The following F10 variants were observed in gnomAD, a reference collection of about 807,000 sequenced individuals.
The protein encoded by F10 is coagulation factor X.
Under a neutral mutation model 37.1 loss-of-function variants are expected in F10, and 29 were observed. That is an observed-to-expected ratio of 0.78 (90% confidence interval 0.58 to 1.07). The LOEUF is 1.07. F10 is among the 50% of genes least tolerant of loss of function. The pLI, the probability that F10 is intolerant of heterozygous loss-of-function variation, is 0.00. For synonymous variants in F10, 262 were observed against 268.6 expected, an observed-to-expected ratio of 0.98 and a Z score of 0.24; for missense variants, 539 against 667.9, an observed-to-expected ratio of 0.81 and a Z score of 2.13.
chr13:113,139,289 C>T lies in F10; in HGVS notation c.257-68C>T. ...CTGAACGGCAGGGCCAAGGTTAGCA[C>T]AGCAAAACTGTTTCCATGATGCCGG... is the stretch of plus-strand genomic sequence containing the variant. On this transcript the variant is annotated intron_variant, in intron 3 of 7. Transcript: ENST00000375559. The surrounding 1 kb of genome is among the most constrained non-coding windows in gnomAD (Gnocchi z 5.2). The T allele has an allele frequency of 7.4e-7, 1 of 1,354,480 alleles. No individual in the cohort carries two copies. The highest frequency in any genetic ancestry group is 1.1e-6 in the Non-Finnish European group (1 of 951,356). The allele number at this position is 1,354,480 out of a possible 1,614,324, so 83.9% of individuals were successfully genotyped here.
intron 6 of F10, among the ~76,000 whole-genome samples, chr13:113,145,489 TGTAA>T (rs1475596705): frequency 3.3e-5 from 5 of 150,136 alleles, no homozygotes; most frequent in African/African-American, 1.3e-4. Flanking sequence ...ATACTTTCAG[TGTAA>T]GTATGTTCCA....
At position 113,149,341 on chromosome 13, in the gene F10, T is replaced by C. The variant is rs199554547; in HGVS notation, c.1291T>C (p.Tyr431His). ...GCACGTCACCCGCTTCAAGGACACCTACTTCGTGACAGGCATCGTCAGCTG... is the reference window on the plus strand; with the variant it reads ...GCACGTCACCCGCTTCAAGGACACCCACTTCGTGACAGGCATCGTCAGCTG... ...GPHVTRFKDT[Y>H]FVTGIVSWGE... Residue 431 changes from tyrosine (Y) to histidine (H), a missense_variant, in exon 8 of 8, where the codon TAC (tyrosine) becomes CAC (histidine). Around this residue, in one of 2 missense-constraint regions of F10, gnomAD observed 409 missense variants for 547.9 expected, o/e 0.75. Coordinates refer to ENST00000375559, the MANE Select transcript of F10 (RefSeq NM_000504.4). This position sits in a 1 kb window ranked among gnomAD's most constrained non-coding sequence, Gnocchi z 7.5. 1 of 1,613,324 alleles carries C rather than the reference T, an allele frequency of 6.2e-7. No homozygotes were observed. Among genetic ancestry groups the C allele is most frequent in the Non-Finnish European group, 8.5e-7 (1 of 1,179,994 alleles).
rs892922544 is a variant in F10 at position 113,138,366 on chromosome 13, A to C, written c.232-91A>C. 7.5e-5 allele frequency: 51 copies of C among 678,338 alleles called. 1 individual carries two copies. Among genetic ancestry groups the C allele is most frequent in the Non-Finnish European group, 7.9e-6 (3 of 378,390 alleles). 42.0% of individuals were successfully genotyped at this position (678,338 alleles called of 1,614,324 possible). On this transcript the variant is annotated intron_variant, in intron 2 of 7. Transcript: ENST00000375559. ...TGACTTCCATTGGGGAAAATATCCTATTCAGCTTGAGTCACTTAATTATGG... is the reference window on the plus strand; with the variant it reads ...TGACTTCCATTGGGGAAAATATCCTCTTCAGCTTGAGTCACTTAATTATGG...
chr13:113,141,602 G>A lies in F10; in HGVS notation c.502+552G>A, dbSNP rs2036528283. On this transcript the variant is annotated intron_variant, in intron 5 of 7. Coordinates refer to ENST00000375559, the MANE Select transcript of F10 (RefSeq NM_000504.4). This position sits in a 1 kb window ranked among gnomAD's most constrained non-coding sequence, Gnocchi z 5.4. ...GGACAACAGGCGGCCAGAGGGCAGTGAGCACAGGACAGGCAGGGGACTGGG... is the reference window on the plus strand; with the variant it reads ...GGACAACAGGCGGCCAGAGGGCAGTAAGCACAGGACAGGCAGGGGACTGGG... 1.3e-5 allele frequency among the ~76,000 whole-genome samples: 2 copies of A among 152,224 alleles called. No individual in the cohort carries two copies. Among genetic ancestry groups the A allele is most frequent in the South Asian group, 4.1e-4 (2 of 4,834 alleles).
At chr13:113,135,078 T>TA (rs1226172549) in intron 2 of F10, among the ~76,000 whole-genome samples, 7 of 151,590 alleles carry the variant, frequency 4.6e-5, no homozygotes, top group Non-Finnish European at 7.4e-5. Context: ...CCGTCTCTAC[T>TA]AAAAAAATAC....
chr13:113,125,820 C>T (rs897202996), intron 1 of F10, among the ~76,000 whole-genome samples: 2 of 152,248 alleles, frequency 1.3e-5, no homozygotes, highest in Non-Finnish European at 2.9e-5. Flanking sequence ...TGACCAAACA[C>T]GTCAAGTCTT....
chr13:113,141,480 G>T lies in F10; in HGVS notation c.502+430G>T, dbSNP rs747900470. ...GCCCGAGGAACTGGAGCTAAGGTGCGGGGCTGGGATAGGAGTCAGGGGACG... is the reference window on the plus strand; with the variant it reads ...GCCCGAGGAACTGGAGCTAAGGTGCTGGGCTGGGATAGGAGTCAGGGGACG... On this transcript the variant is annotated intron_variant, in intron 5 of 7. Coordinates refer to ENST00000375559, the MANE Select transcript of F10 (RefSeq NM_000504.4). The surrounding 1 kb of genome is among the most constrained non-coding windows in gnomAD (Gnocchi z 5.4). Among the ~76,000 whole-genome samples the T allele has an allele frequency of 6.6e-6, 1 of 152,168 alleles. No individual in the cohort carries two copies. Among genetic ancestry groups the T allele is most frequent in the Non-Finnish European group, 1.5e-5 (1 of 68,026 alleles).
chr13:113,140,776 AC>A (rs2138543367), intron 4 of F10, 142 bp from the exon 5 acceptor site: 1 of 1,241,232 alleles, frequency 8.1e-7, no homozygotes, highest in Non-Finnish European at 1.2e-6. Context: ...AGGCAAGTGT[AC>A]CTGTCGCCTG....
At chr13:113,129,874 T>G (rs2036413089) in intron 2 of F10, 1 of 531,052 alleles carries the variant, frequency 1.9e-6, no homozygotes, top group African/African-American at 1.9e-5. Flanking sequence ...TCACAGGGCT[T>G]CTGCCAGAGT....
In F10 at chr13:113,139,237, G is replaced by A; in HGVS notation, c.257-120G>A. 1 of 774,566 alleles carries A rather than the reference G, an allele frequency of 1.3e-6. No homozygotes were observed. The highest frequency in any genetic ancestry group is 2.2e-6 in the Non-Finnish European group (1 of 453,094). 48.0% of individuals were successfully genotyped at this position (774,566 alleles called of 1,614,324 possible). A position where few individuals can be genotyped will look rare whatever the true frequency, so the allele number is the denominator to read the frequency against. ...GTCCAAAGAGGGGGAGTTGTTTACA[G>A]AGAAACCGGAAGACTCTTCCAGTTA... On this transcript the variant is annotated intron_variant, in intron 3 of 7. Transcript: ENST00000375559. The surrounding 1 kb of genome is among the most constrained non-coding windows in gnomAD (Gnocchi z 5.2).
In F10 at chr13:113,143,924, G is replaced by C. The variant is rs2036556325; in HGVS notation, c.576G>C (p.Gly192=). The C allele has an allele frequency of 6.2e-7, 1 of 1,613,348 alleles. No homozygotes were observed. The highest frequency in any genetic ancestry group is 1.1e-5 in the South Asian group (1 of 91,074). ...RSVAQATSSS[G]EAPDSITWKP... is the part of the protein sequence containing the mutation. ...TGGCCCAGGCCACCAGCAGCAGCGGGGAGGCCCCTGACAGCATCACATGGA... is the reference window on the plus strand; with the variant it reads ...TGGCCCAGGCCACCAGCAGCAGCGGCGAGGCCCCTGACAGCATCACATGGA... Residue 192 remains glycine, a synonymous_variant, in exon 6 of 8, where the codon GGG becomes GGC. Coordinates refer to ENST00000375559, the MANE Select transcript of F10 (RefSeq NM_000504.4). This position sits in a 1 kb window ranked among gnomAD's most constrained non-coding sequence, Gnocchi z 6.8.
In F10 at chr13:113,144,200, T is replaced by C; in HGVS notation, c.747+105T>C. The C allele has an allele frequency of 1.3e-6, 2 of 1,556,180 alleles. No homozygotes were observed. The highest frequency in any genetic ancestry group is 1.1e-5 in the South Asian group (1 of 88,570). ...TTGGAATAGCAATCCGGGAAGGAAC[T>C]GTTCCGAACTAGGACAGAGGGGCTC... On this transcript the variant is annotated intron_variant, in intron 6 of 7. Coordinates refer to ENST00000375559, the MANE Select transcript of F10 (RefSeq NM_000504.4). This position sits in a 1 kb window ranked among gnomAD's most constrained non-coding sequence, Gnocchi z 6.4.
At chr13:113,124,765 G>A (rs1380671382) in intron 1 of F10, among the ~76,000 whole-genome samples, 3 of 152,248 alleles carry the variant, frequency 2.0e-5, no homozygotes, top group African/African-American at 7.2e-5. Context: ...AAGGACAATG[G>A]ACCAAGTAGC....
chr13:113,131,469 C>T (rs938835030), intron 2 of F10: 1 of 152,776 alleles, frequency 6.5e-6, no homozygotes, highest in Non-Finnish European at 1.5e-5. Flanking sequence ...CCTCACCCTT[C>T]TGGAGAATCA....
intron 4 of F10, 80 bp from the exon 5 acceptor site, chr13:113,140,839 G>A: frequency 6.2e-7 from 1 of 1,606,488 alleles, no homozygotes; most frequent in Non-Finnish European, 8.5e-7. Context: ...ACAGGCAAGT[G>A]GATGTAGCTG....
intron 1 of F10, chr13:113,128,126 T>C (rs1018959512): frequency 1.3e-5 from 2 of 152,172 alleles, no homozygotes; most frequent in Non-Finnish European, 2.9e-5. Context: ...CTGAGGAAAG[T>C]GTTGATAAAG....
intron 1 of F10, among the ~76,000 whole-genome samples, chr13:113,127,902 G>C (rs1038783135): frequency 2.6e-5 from 4 of 152,152 alleles, no homozygotes; most frequent in African/African-American, 9.7e-5. Context: ...TGGGCTGAAA[G>C]CACCCTAGGG....
At chr13:113,129,431 C>G (rs895602638) in intron 1 of F10, 21 bp from the exon 2 acceptor site, 1 of 1,596,638 alleles carries the variant, frequency 6.3e-7, no homozygotes, top group South Asian at 1.1e-5. Context: ...AGCTTTTAAC[C>G]CTGTCCTCCC....
In F10 at chr13:113,139,659, A is replaced by G. The variant is rs1183092238; in HGVS notation, c.370+189A>G. Reference sequence around the variant, plus strand: ...AAAAAAAAGCCCCAATATGTCCCCCAAACGATTCGGTTTGGGGGCATGATG... The same window carrying G: ...AAAAAAAAGCCCCAATATGTCCCCCGAACGATTCGGTTTGGGGGCATGATG... On this transcript the variant is annotated intron_variant, in intron 4 of 7. Transcript: ENST00000375559. This position sits in a 1 kb window ranked among gnomAD's most constrained non-coding sequence, Gnocchi z 5.2. Among the ~76,000 whole-genome samples, 2 of 151,998 alleles carry G rather than the reference A, an allele frequency of 1.3e-5. No individual in the cohort carries two copies. The highest frequency in any genetic ancestry group is 2.9e-5 in the Non-Finnish European group (2 of 67,994).
Sources: allele counts gnomAD v4.1 joint callset (sites outside exome capture counted in the v4.1 genomes callset), GRCh38; gene constraint gnomAD v4.1.1; regional missense constraint gnomAD v4.1.1; non-coding constraint Gnocchi (gnomAD v3.1); transcripts MANE v1.5; gene names NCBI Gene and HGNC (gene_info 2026-07-23, HGNC 2026-07-21).